The following AHCYL2 variants were observed in gnomAD, a reference collection of about 807,000 sequenced individuals.
AHCYL2 encodes the protein S-adenosylhomocysteine hydrolase-like protein 2.
Under a neutral mutation model 81.4 loss-of-function variants are expected in AHCYL2, and 28 were observed. The observed-to-expected ratio is 0.34, with a 90% CI of 0.25 to 0.47. The LOEUF is 0.47. Ranked by LOEUF, AHCYL2 falls within the 20% of genes least tolerant of loss-of-function variation. The pLI, the probability that AHCYL2 is intolerant of heterozygous loss-of-function variation, is 1.00. For synonymous variants in AHCYL2, 272 were observed against 290.2 expected, an observed-to-expected ratio of 0.94 and a Z score of 0.64; for missense variants, 551 against 785.1, an observed-to-expected ratio of 0.70 and a Z score of 3.56.
intron 1 of AHCYL2, among the ~76,000 whole-genome samples, chr7:129,321,510 C>A (rs1479219381): frequency 6.6e-6 from 1 of 152,070 alleles, no homozygotes; most frequent in Non-Finnish European, 1.5e-5. Context: ...GAGATAAACC[C>A]CACTTGGTTG....
At chr7:129,384,105 A>G (rs1795091653) in intron 2 of AHCYL2, among the ~76,000 whole-genome samples, 2 of 152,048 alleles carry the variant, frequency 1.3e-5, no homozygotes, top group Admixed American at 1.3e-4. Flanking sequence ...ACATAAATAT[A>G]TACAATTTTT....
intron 1 of AHCYL2, chr7:129,375,890 A>G (rs1372052591): frequency 1.3e-6 from 2 of 1,536,018 alleles, no homozygotes; most frequent in Non-Finnish European, 1.7e-6. Context: ...GCAAGAAGAA[A>G]TACATTGTTA....
intron 1 of AHCYL2, among the ~76,000 whole-genome samples, chr7:129,351,251 A>T (rs899117528): frequency 1.3e-5 from 2 of 152,236 alleles, no homozygotes; most frequent in Non-Finnish European, 2.9e-5. Context: ...TTATTGGATG[A>T]TAGTGAAGTT....
At chr7:129,275,273 G>T (rs1427061642) in intron 1 of AHCYL2, among the ~76,000 whole-genome samples, 1 of 151,900 alleles carries the variant, frequency 6.6e-6, no homozygotes, top group Non-Finnish European at 1.5e-5. Flanking sequence ...ATGGTTGCAG[G>T]CGCCTGTAAT....
chr7:129,393,042 G>C (rs9641850), intron 4 of AHCYL2, among the ~76,000 whole-genome samples: 2 of 152,238 alleles, frequency 1.3e-5, no homozygotes, highest in South Asian at 4.1e-4. Context: ...CAGAACTGAT[G>C]ATATTCACTT....
At chr7:129,230,626 G>A (rs1794395877) in intron 1 of AHCYL2, among the ~76,000 whole-genome samples, 1 of 148,750 alleles carries the variant, frequency 6.7e-6, no homozygotes, top group South Asian at 2.1e-4. Context: ...AGGCTGGAGT[G>A]CAGTGGTGCG....
chr7:129,339,795 T>C (rs879538676), intron 1 of AHCYL2, among the ~76,000 whole-genome samples: 1 of 151,970 alleles, frequency 6.6e-6, no homozygotes, highest in Non-Finnish European at 1.5e-5. Context: ...CCTCCCAAAG[T>C]GTGGGACTAC....
In AHCYL2 at chr7:129,424,954, A is replaced by T. The variant is rs770215196; in HGVS notation, c.1629+12A>T. 1 of 1,614,046 alleles carries T rather than the reference A, an allele frequency of 6.2e-7. No homozygotes were observed. The highest frequency in any genetic ancestry group is 8.5e-7 in the Non-Finnish European group (1 of 1,179,974). On this transcript the variant is annotated intron_variant, in intron 14 of 16. Coordinates refer to ENST00000325006, the MANE Select transcript of AHCYL2 (RefSeq NM_015328.4). ...CTGCTACTACTCAGGTAAGGCTTCC[A>T]GAGTGGGATAGCAGTAGTCTGGAGA...
chr7:129,308,835 A>C (rs965849928), intron 1 of AHCYL2, among the ~76,000 whole-genome samples: 1 of 152,200 alleles, frequency 6.6e-6, no homozygotes, highest in Non-Finnish European at 1.5e-5. Flanking sequence ...GCAGCATGGT[A>C]TGGATCATTC....
chr7:129,330,573 C>T (rs1473429313), intron 1 of AHCYL2, among the ~76,000 whole-genome samples: 1 of 151,472 alleles, frequency 6.6e-6, no homozygotes, highest in African/African-American at 2.4e-5. Flanking sequence ...TGGGTTCACG[C>T]CATTCTCCTG....
At position 129,389,281 on chromosome 7, in the gene AHCYL2, G is replaced by C. The variant is rs1478839988; in HGVS notation, c.619+82G>C. ...TAATCCCTTTTTATGTCTGGGGTCT[G>C]GTAGCTTGTGAAATTTCTATGTGAT... On this transcript the variant is annotated intron_variant, in intron 3 of 16. Transcript: ENST00000325006. 1.4e-5 allele frequency: 21 copies of C among 1,528,986 alleles called. No individual in the cohort carries two copies. In the Admixed American group the frequency reaches 4.1e-4, roughly 30 times the overall value. The allele number at this position is 1,528,986 out of a possible 1,614,324, so 94.7% of individuals were successfully genotyped here. A position where few individuals can be genotyped will look rare whatever the true frequency, so the allele number is the denominator to read the frequency against.
intron 1 of AHCYL2, among the ~76,000 whole-genome samples, chr7:129,352,380 T>C (rs1793597689): frequency 6.6e-6 from 1 of 152,248 alleles, no homozygotes; most frequent in South Asian, 2.1e-4. Flanking sequence ...CCAGTCAAGC[T>C]GTCCCCGGTG....
At chr7:129,376,019 G>T in intron 1 of AHCYL2, 1 of 1,463,850 alleles carries the variant, frequency 6.8e-7, no homozygotes. Flanking sequence ...CTCCTTTCCT[G>T]CTTTCATCCC....
chr7:129,307,970 C>T (rs986760668), intron 1 of AHCYL2, among the ~76,000 whole-genome samples: 4 of 151,656 alleles, frequency 2.6e-5, no homozygotes, highest in African/African-American at 9.7e-5. Context: ...AAAACAACAT[C>T]CTCTTTACTC....
intron 1 of AHCYL2, among the ~76,000 whole-genome samples, chr7:129,280,213 A>G (rs918451426): frequency 8.9e-5 from 10 of 112,366 alleles, no homozygotes; most frequent in African/African-American, 3.2e-4. Flanking sequence ...TCTGTTGCCC[A>G]GGCTGGAGTA....
chr7:129,409,431 C>A, intron 10 of AHCYL2, 45 bp from the exon 11 acceptor site: 1 of 1,533,360 alleles, frequency 6.5e-7, no homozygotes, highest in South Asian at 1.2e-5. Context: ...TAAAAGGCTC[C>A]CCAGCTGCCT....
chr7:129,227,608 CAAAAAAAA>C (rs57256611), intron 1 of AHCYL2, among the ~76,000 whole-genome samples: 7 of 80,762 alleles, frequency 8.7e-5, no homozygotes, highest in Admixed American at 2.9e-4. Context: ...GACCTTGTCT[CAAAAAAAA>C]AAAAAAAAAA....
At chr7:129,396,804 C>A (rs1795764849) in intron 4 of AHCYL2, among the ~76,000 whole-genome samples, 1 of 152,148 alleles carries the variant, frequency 6.6e-6, no homozygotes, top group African/African-American at 2.4e-5. Flanking sequence ...ACTACAACCT[C>A]CATCTCCCAG....
intron 1 of AHCYL2, among the ~76,000 whole-genome samples, chr7:129,377,827 C>T (rs1794763151): frequency 6.6e-6 from 1 of 151,996 alleles, no homozygotes; most frequent in Admixed American, 6.6e-5. Context: ...CTGGAACCTC[C>T]AACAATAGGA....
Sources: gnomAD v4.1 joint callset for allele counts (sites outside exome capture counted in the v4.1 genomes callset) on GRCh38, gnomAD v4.1.1 for gene constraint, MANE v1.5 for transcripts, NCBI Gene and HGNC (gene_info 2026-07-23, HGNC 2026-07-21) for gene names.